IL31RA: variants seen among roughly 807,000 people sequenced by gnomAD.
IL31RA encodes the protein interleukin 31 receptor A, also known as interleukin-31 receptor subunit alpha.
IL31RA carries 66 observed loss-of-function variants against 83.7 expected under a neutral mutation model. The ratio of observed to expected loss-of-function variants is 0.79; its 90% CI spans 0.65 to 0.97. The LOEUF (loss-of-function observed/expected upper bound fraction) is 0.97. IL31RA is among the 50% of genes least tolerant of loss of function. The pLI is 0.00. For missense variants in IL31RA, 798 were observed against 919.4 expected, an observed-to-expected ratio of 0.87 and a Z score of 1.71; for synonymous variants, 325 against 329.0, an observed-to-expected ratio of 0.99 and a Z score of 0.13.
intron 4 of IL31RA, 42 bp downstream of exon 4, chr5:55,872,493 T>A: frequency 7.6e-7 from 1 of 1,315,926 alleles, no homozygotes; most frequent in Non-Finnish European, 1.1e-6. Flanking sequence ...TTATTAAATG[T>A]TTACCTCCTT....
At chr5:55,910,815 C>A in intron 12 of IL31RA, 143 bp downstream of exon 12, 1 of 970,134 alleles carries the variant, frequency 1.0e-6, no homozygotes, top group East Asian at 2.4e-5. Context: ...GTTCACCAAC[C>A]TTCCTGGAAA....
intron 4 of IL31RA, among the ~76,000 whole-genome samples, chr5:55,877,217 A>G (rs1055342252): frequency 2.0e-5 from 3 of 152,186 alleles, no homozygotes; most frequent in Admixed American, 2.0e-4. Context: ...ACTTAACTTC[A>G]ATTGCATATA....
intron 2 of IL31RA, 23 bp from the exon 3 acceptor site, chr5:55,868,768 G>A (rs755126183): frequency 3.2e-6 from 4 of 1,232,422 alleles, no homozygotes; most frequent in Non-Finnish European, 3.6e-6. Flanking sequence ...GTGTTTGTGT[G>A]TGTGTGTGTT....
At chr5:55,905,434 G>C (rs1749088070) in intron 8 of IL31RA, among the ~76,000 whole-genome samples, 1 of 152,080 alleles carries the variant, frequency 6.6e-6, no homozygotes. Context: ...GTCTGATTCT[G>C]ATTAAGTTCC....
intron 8 of IL31RA, among the ~76,000 whole-genome samples, chr5:55,905,200 C>CAA (rs34211603): frequency 3.0e-4 from 22 of 72,592 alleles, no homozygotes; most frequent in African/African-American, 9.1e-4. Flanking sequence ...GACTCTGCCT[C>CAA]AAAAAAAAAA....
chr5:55,885,607 C>T (rs1296096744), intron 5 of IL31RA, among the ~76,000 whole-genome samples: 9 of 152,116 alleles, frequency 5.9e-5, no homozygotes, highest in Non-Finnish European at 1.5e-5. Context: ...AGACCCTGGG[C>T]AGGTTTCCTC....
intron 4 of IL31RA, among the ~76,000 whole-genome samples, chr5:55,874,671 A>G (rs1580681703): frequency 6.6e-6 from 1 of 152,124 alleles, no homozygotes; most frequent in South Asian, 2.1e-4. Context: ...TTATTTTCAG[A>G]TTGTTCATTG....
intron 1 of IL31RA, among the ~76,000 whole-genome samples, chr5:55,855,701 G>A (rs1254466814): frequency 6.6e-6 from 1 of 152,196 alleles, no homozygotes; most frequent in Non-Finnish European, 1.5e-5. Context: ...GATGTGGGGA[G>A]GCAGGGATAA....
At position 55,906,152 on chromosome 5, in the gene IL31RA, G is replaced by A. The variant is rs1749137246; in HGVS notation, c.1116G>A (p.Gln372=). The A allele has an allele frequency of 1.2e-6, 2 of 1,613,704 alleles. No homozygotes were observed. Among genetic ancestry groups the A allele is most frequent in the African/African-American group, 1.3e-5 (1 of 74,596 alleles). The change falls in exon 9 of 15, where the codon CAG becomes CAA. Residue 372 remains glutamine, a synonymous_variant. Coordinates refer to ENST00000652347, the MANE Select transcript of IL31RA (RefSeq NM_139017.7). ...TGCAGGCCTGCGTTGCTGAGGACCA[G>A]CTAGTGGTGAAGTGGCAAAGCTCTG... ...EVMQACVAED[Q]LVVKWQSSAL... is the part of the protein sequence containing the mutation.
upstream of IL31RA, among the ~76,000 whole-genome samples, chr5:55,847,248 TAAATAAATA>T (rs1561530259): frequency 3.0e-5 from 1 of 33,470 alleles, no homozygotes; most frequent in Non-Finnish European, 7.0e-5. Flanking sequence ...AAAATAAAAA[TAAATAAATA>T]AATAAATAAA....
intron 4 of IL31RA, among the ~76,000 whole-genome samples, chr5:55,876,140 G>T (rs1746832876): frequency 6.6e-6 from 1 of 152,198 alleles, no homozygotes; most frequent in South Asian, 2.1e-4. Context: ...TGGCGCGGTG[G>T]CTCATGCCTG....
At chr5:55,899,463 A>T (rs1748672689) in intron 7 of IL31RA, among the ~76,000 whole-genome samples, 1 of 152,170 alleles carries the variant, frequency 6.6e-6, no homozygotes, top group Admixed American at 6.5e-5. Context: ...CTCCCTTCTC[A>T]GAGGGAGAGG....
In IL31RA at chr5:55,919,669, G is replaced by A. The variant is rs773658092; in HGVS notation, c.*2549G>A. Among the ~76,000 whole-genome samples, 3 of 152,090 alleles carry A rather than the reference G, an allele frequency of 2.0e-5. No homozygotes were observed. The highest frequency in any genetic ancestry group is 6.6e-5 in the Admixed American group (1 of 15,264). On this transcript the variant is annotated 3_prime_UTR_variant, in exon 15 of 15. Transcript: ENST00000652347. ...TTCCATGGTTTTATTACCTTTGAGG[G>A]GTGGGAAGATGGTGGCTCTGTTTCT...
At chr5:55,859,374 G>A (rs1320713195) in intron 1 of IL31RA, 135 bp from the exon 2 acceptor site, 2 of 717,120 alleles carry the variant, frequency 2.8e-6, no homozygotes, top group African/African-American at 1.7e-5. Flanking sequence ...AAGGATCTAG[G>A]TGATGATAGT....
intron 4 of IL31RA, among the ~76,000 whole-genome samples, chr5:55,880,981 G>A (rs551021606): frequency 4.9e-4 from 74 of 152,252 alleles, no homozygotes; most frequent in Non-Finnish European, 9.0e-4. Flanking sequence ...ACTGAGGCAC[G>A]TTTTAGAGCA....
chr5:55,867,137 A>ATG lies in IL31RA; in HGVS notation c.155-1645_155-1644dup, dbSNP rs34406059. ...CATGTGTGTGTTTGTGTGTGTGTGC[A>ATG]TGTGTGTGTGCATGTGTGTTTGTGT... On this transcript the variant is annotated intron_variant, in intron 2 of 14. Coordinates refer to ENST00000652347, the MANE Select transcript of IL31RA (RefSeq NM_139017.7). Among the ~76,000 whole-genome samples, 7 of 85,814 alleles carry ATG rather than the reference A, an allele frequency of 8.2e-5. 1 individual carries two copies. Among genetic ancestry groups the ATG allele is most frequent in the African/African-American group, 1.3e-4 (3 of 22,252 alleles). 56.3% of individuals were successfully genotyped at this position (85,814 alleles called of 152,430 possible).
upstream of IL31RA, among the ~76,000 whole-genome samples, chr5:55,850,817 G>T (rs1022112403): frequency 1.3e-5 from 2 of 152,206 alleles, no homozygotes; most frequent in Non-Finnish European, 2.9e-5. Context: ...ACTGCTGAGC[G>T]TGGTGGCTCA....
intron 2 of IL31RA, among the ~76,000 whole-genome samples, chr5:55,867,213 A>ATGTGTGTTTGG (rs1746182350): frequency 1.5e-5 from 1 of 64,626 alleles, no homozygotes; most frequent in African/African-American, 5.8e-5. Context: ...GTGTGTGCGC[A>ATGTGTGTTTGG]TGTGTGTTTG....
chr5:55,908,350 G>C lies in IL31RA; in HGVS notation c.1440G>C (p.Glu480Asp). ...TITWKEIPKS[E>D]RKGIICNYTI... ...CATGGAAAGAGATTCCCAAGAGTGAGAGAAAGGGTATCATCTGCAACTACA... is the reference window on the plus strand; with the variant it reads ...CATGGAAAGAGATTCCCAAGAGTGACAGAAAGGGTATCATCTGCAACTACA... The change falls in exon 11 of 15, where the codon GAG becomes GAC. Residue 480 changes from glutamate to aspartate, a missense_variant. Coordinates refer to ENST00000652347, the MANE Select transcript of IL31RA (RefSeq NM_139017.7). 7 of 1,614,190 alleles carry C rather than the reference G, an allele frequency of 4.3e-6. No homozygotes were observed. The highest frequency in any genetic ancestry group is 4.2e-6 in the Non-Finnish European group (5 of 1,180,042).
Sources: allele counts gnomAD v4.1 joint callset (sites outside exome capture counted in the v4.1 genomes callset), GRCh38; gene constraint gnomAD v4.1.1; transcripts MANE v1.5; gene names NCBI Gene and HGNC (gene_info 2026-07-23, HGNC 2026-07-21).